The following GRIK4 variants were observed in gnomAD, a reference collection of about 807,000 sequenced individuals.
The protein encoded by GRIK4 is glutamate ionotropic receptor kainate type subunit 4.
In GRIK4, 40 loss-of-function variants were observed where a neutral mutation model predicts 104.9. That is an observed-to-expected ratio of 0.38 (90% CI 0.30 to 0.50). The LOEUF (loss-of-function observed/expected upper bound fraction) is 0.50, where lower values mean the gene tolerates loss of function less well. GRIK4 is among the 20% of genes least tolerant of loss of function. GRIK4 has a pLI of 0.93. For missense variants in GRIK4, 1,047 were observed against 1,308.1 expected (o/e 0.80, Z 3.08); for synonymous variants, 485 against 524.9 (o/e 0.92, Z 1.04).
intron 13 of GRIK4, among the ~76,000 whole-genome samples, chr11:120,932,405 G>A (rs1943502287): frequency 6.6e-6 from 1 of 151,134 alleles, no homozygotes; most frequent in African/African-American, 2.4e-5. Context: ...ATCCCCCAGT[G>A]AGCTCAGCAG....
At chr11:120,785,035 C>T (rs1285622653) in intron 3 of GRIK4, among the ~76,000 whole-genome samples, 1 of 149,886 alleles carries the variant, frequency 6.7e-6, no homozygotes, top group Non-Finnish European at 1.5e-5. Flanking sequence ...CTGCACTAGA[C>T]CTATGAAGGC....
At chr11:120,607,711 C>T (rs1385315184) in intron 1 of GRIK4, among the ~76,000 whole-genome samples, 1 of 151,984 alleles carries the variant, frequency 6.6e-6, no homozygotes, top group African/African-American at 2.4e-5. Context: ...CAGATTTGGG[C>T]TTTATTTGGG....
intron 3 of GRIK4, among the ~76,000 whole-genome samples, chr11:120,769,887 A>G (rs1343247512): frequency 6.6e-6 from 1 of 152,168 alleles, no homozygotes; most frequent in African/African-American, 2.4e-5. Flanking sequence ...CAAAGCCTGC[A>G]CCAACAGTTT....
chr11:120,787,298 C>T (rs1285940658), intron 3 of GRIK4, among the ~76,000 whole-genome samples: 1 of 152,046 alleles, frequency 6.6e-6, no homozygotes, highest in African/African-American at 2.4e-5. Context: ...CACTGCACTC[C>T]AGCCTGGACA....
At chr11:120,907,398 A>G (rs1210418844) in intron 13 of GRIK4, among the ~76,000 whole-genome samples, 3 of 152,186 alleles carry the variant, frequency 2.0e-5, no homozygotes, top group Non-Finnish European at 4.4e-5. Flanking sequence ...ACTCATAGAC[A>G]TGCAGCCACA....
intron 1 of GRIK4, among the ~76,000 whole-genome samples, chr11:120,522,999 C>G (rs1332444737): frequency 6.6e-6 from 1 of 151,872 alleles, no homozygotes; most frequent in African/African-American, 2.4e-5. Context: ...CTGAATCTGT[C>G]AGATGCCAGA....
intron 1 of GRIK4, among the ~76,000 whole-genome samples, chr11:120,564,020 T>G (rs1358236371): frequency 6.6e-6 from 1 of 151,952 alleles, no homozygotes; most frequent in Middle Eastern, 3.2e-3. Context: ...TTTGAAAGGT[T>G]AGGGGGTGGG....
intron 1 of GRIK4, among the ~76,000 whole-genome samples, chr11:120,548,361 T>A (rs537351313): frequency 6.6e-6 from 1 of 151,946 alleles, no homozygotes; most frequent in Non-Finnish European, 1.5e-5. Flanking sequence ...CGAAGTAGAT[T>A]GTGCAAGTGG....
intron 3 of GRIK4, among the ~76,000 whole-genome samples, chr11:120,697,484 A>G (rs1473988090): frequency 1.3e-5 from 2 of 152,274 alleles, no homozygotes; most frequent in East Asian, 3.9e-4. Flanking sequence ...GTACGGTGGC[A>G]TGCGCCTGTA....
chr11:120,982,327 C>T, intron 20 of GRIK4, 103 bp downstream of exon 20: 1 of 723,732 alleles, frequency 1.4e-6, no homozygotes. Context: ...ACAGGAAGTG[C>T]AGCAAAGAGA....
intron 9 of GRIK4, chr11:120,870,271 A>G (rs1954566154): frequency 6.6e-6 from 1 of 152,248 alleles, no homozygotes; most frequent in Non-Finnish European, 1.5e-5. Context: ...AAGGATACCT[A>G]AATCAAATGG....
intron 11 of GRIK4, among the ~76,000 whole-genome samples, chr11:120,876,779 G>A (rs1954831916): frequency 6.6e-6 from 1 of 152,138 alleles, no homozygotes; most frequent in Non-Finnish European, 1.5e-5. Flanking sequence ...AATCACCTTG[G>A]AAATGCAATA....
At chr11:120,982,881 C>T (rs1944675260) in intron 20 of GRIK4, among the ~76,000 whole-genome samples, 2 of 152,180 alleles carry the variant, frequency 1.3e-5, no homozygotes, top group African/African-American at 4.8e-5. Flanking sequence ...GGAGTCTGGC[C>T]TCACATGGGG....
intron 1 of GRIK4, among the ~76,000 whole-genome samples, chr11:120,521,987 A>C (rs1213383010): frequency 1.3e-5 from 2 of 152,168 alleles, no homozygotes; most frequent in Non-Finnish European, 2.9e-5. Flanking sequence ...TGTATGTATT[A>C]AGTTGATTCT....
chr11:120,842,510 A>G (rs1216903906), intron 8 of GRIK4, among the ~76,000 whole-genome samples: 1 of 152,248 alleles, frequency 6.6e-6, no homozygotes, highest in Non-Finnish European at 1.5e-5. Context: ...CTGCCACATT[A>G]TTAAATTATC....
At chr11:120,896,140 G>T (rs552269682) in intron 11 of GRIK4, among the ~76,000 whole-genome samples, 1 of 152,232 alleles carries the variant, frequency 6.6e-6, no homozygotes, top group Admixed American at 6.5e-5. Flanking sequence ...CACACAGGCT[G>T]CTCATGGGGA....
At chr11:120,618,932 G>T (rs576496319) in intron 1 of GRIK4, among the ~76,000 whole-genome samples, 36 of 152,332 alleles carry the variant, frequency 2.4e-4, no homozygotes, top group Non-Finnish European at 4.7e-4. Context: ...GGAAGTATGG[G>T]GTTGGAGCCT....
At chr11:120,981,635 T>C (rs947320751) in intron 19 of GRIK4, among the ~76,000 whole-genome samples, 3 of 152,240 alleles carry the variant, frequency 2.0e-5, no homozygotes, top group Admixed American at 6.5e-5. Flanking sequence ...TTGACAAAGA[T>C]AGGTAAATAT....
intron 3 of GRIK4, among the ~76,000 whole-genome samples, chr11:120,769,507 ATG>A (rs1478612700): frequency 9.2e-5 from 14 of 152,342 alleles, no homozygotes; most frequent in African/African-American, 3.1e-4. Context: ...ATATAATTGT[ATG>A]TGTCATGAAA....
Sources: allele counts gnomAD v4.1 joint callset (sites outside exome capture counted in the v4.1 genomes callset), GRCh38; gene constraint gnomAD v4.1.1; transcripts MANE v1.5; gene names NCBI Gene and HGNC (gene_info 2026-07-23, HGNC 2026-07-21).